The following NRXN1 variants were observed in gnomAD, a reference collection of about 807,000 sequenced individuals.
NRXN1 encodes neurexin 1, also known as neurexin-1.
NRXN1 carries 39 observed loss-of-function variants against 150.9 expected under a neutral mutation model. The ratio of observed to expected loss-of-function variants is 0.26; its 90% CI spans 0.20 to 0.34. NRXN1 has a LOEUF of 0.34. Ranked by LOEUF, NRXN1 falls within the 10% of genes least tolerant of loss-of-function variation. The pLI, the probability that NRXN1 is intolerant of heterozygous loss-of-function variation, is 1.00. For synonymous variants in NRXN1, 924 were observed against 757.0 expected (o/e 1.22, Z -3.62); for missense variants, 1,815 against 1,949.9 (o/e 0.93, Z 1.30).
chr2:50,002,415 T>TA (rs1483288742), intron 21 of NRXN1, among the ~76,000 whole-genome samples: 1 of 152,166 alleles, frequency 6.6e-6, no homozygotes, highest in Non-Finnish European at 1.5e-5. Flanking sequence ...AGAAAGATCT[T>TA]ACTCTAGTCA....
chr2:50,260,628 C>CT (rs2068162717), intron 17 of NRXN1, among the ~76,000 whole-genome samples: 2 of 107,912 alleles, frequency 1.9e-5, no homozygotes, highest in African/African-American at 7.7e-5. Context: ...TTTTTTTTTC[C>CT]GTTTTTTTTT....
intron 12 of NRXN1, among the ~76,000 whole-genome samples, chr2:50,512,546 T>C (rs1424401595): frequency 2.0e-5 from 3 of 152,218 alleles, no homozygotes; most frequent in Non-Finnish European, 4.4e-5. Context: ...AAGGGATGCA[T>C]AGCTATGCTA....
intron 18 of NRXN1, among the ~76,000 whole-genome samples, chr2:50,211,566 T>A (rs937286763): frequency 2.0e-5 from 3 of 151,504 alleles, no homozygotes; most frequent in African/African-American, 7.3e-5. Flanking sequence ...AATGTGACGA[T>A]TCAATAATCA....
At chr2:50,464,934 A>C (rs1329211790) in intron 17 of NRXN1, among the ~76,000 whole-genome samples, 7 of 151,930 alleles carry the variant, frequency 4.6e-5, no homozygotes, top group Admixed American at 1.3e-4. Context: ...GGGGAAAAAC[A>C]TAAGTTGCTA....
intron 18 of NRXN1, among the ~76,000 whole-genome samples, chr2:50,170,876 T>C (rs1160429420): frequency 2.6e-5 from 4 of 151,802 alleles, no homozygotes; most frequent in Non-Finnish European, 2.9e-5. Flanking sequence ...TGCATAACTT[T>C]TGGCACCCCC....
intron 18 of NRXN1, among the ~76,000 whole-genome samples, chr2:50,119,721 T>A (rs181993481): frequency 6.6e-6 from 1 of 152,192 alleles, no homozygotes; most frequent in Non-Finnish European, 1.5e-5. Context: ...AAGATACGGA[T>A]GTATATAAAG....
intron 21 of NRXN1, among the ~76,000 whole-genome samples, chr2:49,962,947 G>C (rs951750247): frequency 1.4e-5 from 2 of 140,044 alleles, no homozygotes; most frequent in East Asian, 4.2e-4. Flanking sequence ...TTGAGAGCCT[G>C]CCTCTAAATA....
chr2:50,432,748 C>A (rs1479698096), intron 17 of NRXN1, among the ~76,000 whole-genome samples: 1 of 152,206 alleles, frequency 6.6e-6, no homozygotes, highest in Non-Finnish European at 1.5e-5. Context: ...CATAACTCTA[C>A]TGTAATCTCC....
chr2:50,650,572 A>G (rs1168900262), intron 5 of NRXN1, among the ~76,000 whole-genome samples: 1 of 152,080 alleles, frequency 6.6e-6, no homozygotes, highest in Non-Finnish European at 1.5e-5. Context: ...CAGAGGTCAG[A>G]AAAACAAATG....
At chr2:50,680,651 A>G (rs866630191) in intron 5 of NRXN1, among the ~76,000 whole-genome samples, 3 of 152,104 alleles carry the variant, frequency 2.0e-5, no homozygotes, top group African/African-American at 4.8e-5. Flanking sequence ...AGCCTTTGTG[A>G]GATAGAAATT....
chr2:50,665,527 A>T (rs1179748728), intron 5 of NRXN1, among the ~76,000 whole-genome samples: 1 of 151,918 alleles, frequency 6.6e-6, no homozygotes, highest in Non-Finnish European at 1.5e-5. Context: ...ATAGGCTACA[A>T]TGAGTTAATC....
intron 16 of NRXN1, 83 bp from the exon 17 acceptor site, chr2:50,465,644 T>C: frequency 7.1e-7 from 1 of 1,400,840 alleles, no homozygotes; most frequent in Non-Finnish European, 9.6e-7. Context: ...CATGTAGTAG[T>C]TGCCAACACC....
chr2:50,580,678 G>A (rs1230565040), intron 8 of NRXN1, among the ~76,000 whole-genome samples: 2 of 152,124 alleles, frequency 1.3e-5, no homozygotes, highest in African/African-American at 4.8e-5. Context: ...CAACCCAGTA[G>A]TCAACACATT....
intron 8 of NRXN1, among the ~76,000 whole-genome samples, chr2:50,553,234 ATG>A (rs1667779767): frequency 6.6e-6 from 1 of 152,242 alleles, no homozygotes; most frequent in Non-Finnish European, 1.5e-5. Flanking sequence ...GATTCAAATA[ATG>A]TGTGTGCAGA....
chr2:50,902,106 A>G (rs900822844), intron 5 of NRXN1, among the ~76,000 whole-genome samples: 2 of 152,140 alleles, frequency 1.3e-5, no homozygotes, highest in African/African-American at 4.8e-5. Flanking sequence ...GAAAAGCGTA[A>G]CCTCAATTGG....
intron 17 of NRXN1, among the ~76,000 whole-genome samples, chr2:50,300,681 T>A (rs1326182767): frequency 6.6e-6 from 1 of 152,146 alleles, no homozygotes; most frequent in Non-Finnish European, 1.5e-5. Flanking sequence ...TCTTTCCCTA[T>A]GAGAATGGCC....
chr2:50,370,296 T>A (rs557810212), intron 17 of NRXN1, among the ~76,000 whole-genome samples: 4 of 151,994 alleles, frequency 2.6e-5, no homozygotes, highest in Admixed American at 1.3e-4. Context: ...CATTTTCCCA[T>A]AAAGCCATGG....
At chr2:50,237,232 T>C (rs905505045) in intron 17 of NRXN1, among the ~76,000 whole-genome samples, 20 of 152,052 alleles carry the variant, frequency 1.3e-4, no homozygotes, top group African/African-American at 4.3e-4. Flanking sequence ...GTGTTTTCCA[T>C]TGAGTTGGAC....
At chr2:50,731,128 T>C (rs1698049040) in intron 5 of NRXN1, among the ~76,000 whole-genome samples, 1 of 152,218 alleles carries the variant, frequency 6.6e-6, no homozygotes, top group South Asian at 2.1e-4. Flanking sequence ...TCTGATTTAA[T>C]AGAAATTTTT....
Sources: allele counts gnomAD v4.1 joint callset (sites outside exome capture counted in the v4.1 genomes callset), GRCh38; gene constraint gnomAD v4.1.1; transcripts MANE v1.5; gene names NCBI Gene and HGNC (gene_info 2026-07-23, HGNC 2026-07-21).